Variants in DMD observed in about 807,000 individuals in gnomAD.
DMD encodes the protein dystrophin.
In DMD, 63 loss-of-function variants were observed where a neutral mutation model predicts 330.1. The ratio of observed to expected loss-of-function variants is 0.19; its 90% CI spans 0.16 to 0.24. DMD has a LOEUF of 0.24. DMD is among the 10% of genes least tolerant of loss of function. DMD has a pLI of 1.00. For synonymous variants in DMD, 1,223 were observed against 959.8 expected (o/e 1.27, Z -5.07); for missense variants, 3,344 against 2,684.1 (o/e 1.25, Z -5.43).
At chrX:31,677,727 A>G (rs1313800555) in intron 53 of DMD, among the ~76,000 whole-genome samples, 2 of 112,332 alleles carry the variant, frequency 1.8e-5, no homozygotes, top group Non-Finnish European at 3.8e-5. Context: ...GCTAATGATA[A>G]GACTGTAAAA....
intron 7 of DMD, among the ~76,000 whole-genome samples, chrX:32,806,396 C>T (rs1021636498): frequency 9.0e-6 from 1 of 111,480 alleles, no homozygotes; most frequent in African/African-American, 3.3e-5. Context: ...ATAAGAAGTC[C>T]TAACTATCCT....
chrX:32,879,726 G>C (rs1389428003), intron 2 of DMD, among the ~76,000 whole-genome samples: 1 of 111,400 alleles, frequency 9.0e-6, no homozygotes, highest in Non-Finnish European at 1.9e-5. Context: ...TGGGTGAGTG[G>C]TATGGTACCA....
At chrX:33,190,927 AT>A (rs1248777081) in intron 1 of DMD, among the ~76,000 whole-genome samples, 7 of 1,089 alleles carry the variant, frequency 6.4e-3, no homozygotes, top group East Asian at 0.071. Flanking sequence ...TATATATAAT[AT>A]TATATATATA....
chrX:32,853,432 A>G (rs1462285463), intron 2 of DMD, among the ~76,000 whole-genome samples: 1 of 112,039 alleles, frequency 8.9e-6, no homozygotes, highest in African/African-American at 3.2e-5. Context: ...AGATATAAAC[A>G]AACAACAAAA....
intron 2 of DMD, among the ~76,000 whole-genome samples, chrX:32,870,005 G>A (rs779839446): frequency 1.8e-5 from 2 of 111,179 alleles, no homozygotes; most frequent in African/African-American, 3.3e-5. Context: ...TAAATAGGAA[G>A]AGAGGAAGTC....
At chrX:31,799,781 G>A (rs889183799) in intron 50 of DMD, among the ~76,000 whole-genome samples, 2 of 112,287 alleles carry the variant, frequency 1.8e-5, no homozygotes, top group African/African-American at 6.5e-5. Flanking sequence ...TTACTTCCAG[G>A]ATACAATGGG....
intron 45 of DMD, among the ~76,000 whole-genome samples, chrX:31,933,730 T>G (rs1305034282): frequency 8.9e-6 from 1 of 111,979 alleles, no homozygotes; most frequent in African/African-American, 3.2e-5. Context: ...GTATAACCAG[T>G]ACCCTGTCAA....
At chrX:31,376,982 G>C (rs1412834675) in intron 60 of DMD, among the ~76,000 whole-genome samples, 3 of 112,175 alleles carry the variant, frequency 2.7e-5, no homozygotes, top group Non-Finnish European at 3.8e-5. Context: ...CCAGTGCATG[G>C]GGAAAAACAA....
At chrX:31,708,084 A>G (rs2084336251) in intron 52 of DMD, among the ~76,000 whole-genome samples, 1 of 112,208 alleles carries the variant, frequency 8.9e-6, no homozygotes, top group Non-Finnish European at 1.9e-5. Context: ...TGTTATTACT[A>G]AAAATAGATG....
intron 52 of DMD, among the ~76,000 whole-genome samples, chrX:31,726,890 G>C (rs750399222): frequency 9.0e-6 from 1 of 111,361 alleles, no homozygotes; most frequent in Non-Finnish European, 1.9e-5. Context: ...ATTCATAAAG[G>C]TATTCATTCC....
chrX:33,246,022 A>C (rs1215332705), intron 1 of DMD, among the ~76,000 whole-genome samples: 2 of 112,111 alleles, frequency 1.8e-5, no homozygotes, highest in African/African-American at 6.5e-5. Context: ...TAATGTTAGA[A>C]GTATTTGAAC....
intron 48 of DMD, among the ~76,000 whole-genome samples, chrX:31,853,544 TATAAA>T (rs755213858): frequency 3.7e-4 from 41 of 111,922 alleles, no homozygotes; most frequent in Admixed American, 8.5e-4. Flanking sequence ...TATCTTTAAA[TATAAA>T]ATAAATGAAA....
intron 60 of DMD, among the ~76,000 whole-genome samples, chrX:31,434,194 A>C (rs2064296054): frequency 9.0e-6 from 1 of 111,669 alleles, no homozygotes; most frequent in South Asian, 3.7e-4. Flanking sequence ...TTAACTCTGC[A>C]GTCCATTACT....
intron 55 of DMD, among the ~76,000 whole-genome samples, chrX:31,542,126 C>T (rs767541108): frequency 3.6e-5 from 4 of 111,473 alleles, no homozygotes; most frequent in African/African-American, 9.8e-5. Context: ...AAGGATTTTA[C>T]GGAATGGTGG....
At chrX:32,543,041 T>C (rs773046121) in intron 17 of DMD, among the ~76,000 whole-genome samples, 8 of 112,140 alleles carry the variant, frequency 7.1e-5, no homozygotes, top group African/African-American at 1.6e-4. Context: ...TGAGGTACAC[T>C]GTAGCTGTGT....
intron 2 of DMD, among the ~76,000 whole-genome samples, chrX:32,895,972 G>C (rs2085679063): frequency 9.0e-6 from 1 of 110,790 alleles, no homozygotes; most frequent in Non-Finnish European, 1.9e-5. Context: ...CTAGTTTACT[G>C]GGAACTAGTA....
intron 63 of DMD, among the ~76,000 whole-genome samples, chrX:31,230,344 C>T (rs2047070747): frequency 8.9e-6 from 1 of 111,886 alleles, no homozygotes; most frequent in Non-Finnish European, 1.9e-5. Flanking sequence ...CTTTGTAAAA[C>T]TCTTCTAAGA....
chrX:32,420,750 C>A (rs1343491264), intron 29 of DMD, among the ~76,000 whole-genome samples: 1 of 111,755 alleles, frequency 8.9e-6, no homozygotes, highest in East Asian at 2.8e-4. Context: ...GAAGCAAATT[C>A]ATCACACTTC....
At chrX:32,648,120 T>G (rs1216481270) in intron 9 of DMD, among the ~76,000 whole-genome samples, 1 of 111,879 alleles carries the variant, frequency 8.9e-6, no homozygotes, top group African/African-American at 3.2e-5. Context: ...GGATTGAATT[T>G]TGGAAGAAAA....
Sources: allele counts gnomAD v4.1 joint callset (sites outside exome capture counted in the v4.1 genomes callset), GRCh38; gene constraint gnomAD v4.1.1; transcripts MANE v1.5; gene names NCBI Gene and HGNC (gene_info 2026-07-23, HGNC 2026-07-21).